SMAD3: variants seen among roughly 807,000 people sequenced by gnomAD.
The protein encoded by SMAD3 is MAD homolog 3.
In SMAD3, 12 loss-of-function variants were observed where a neutral mutation model predicts 51.8. That is an observed-to-expected ratio of 0.23 (90% CI 0.15 to 0.38). SMAD3 has a LOEUF of 0.38. Among genes scored for constraint, SMAD3 ranks in the 10% least tolerant of loss-of-function variants. SMAD3 has a pLI of 1.00. For synonymous variants in SMAD3, 238 were observed against 227.7 expected (o/e 1.05, Z -0.41); for missense variants, 294 against 565.6 (o/e 0.52, Z 4.87).
intron 1 of SMAD3, among the ~76,000 whole-genome samples, chr15:67,087,404 A>G (rs1040415181): frequency 5.9e-5 from 9 of 152,148 alleles, no homozygotes; most frequent in African/African-American, 1.2e-4. Flanking sequence ...AGTTTCCTGC[A>G]TAGTTTCAGT....
intron 1 of SMAD3, among the ~76,000 whole-genome samples, chr15:67,122,634 C>G (rs1961291359): frequency 6.6e-6 from 1 of 152,152 alleles, no homozygotes; most frequent in Admixed American, 6.5e-5. Context: ...AACTTGTTTT[C>G]AAGCCAGGAC....
chr15:67,066,128 C>A lies in SMAD3; in HGVS notation c.-27C>A, dbSNP rs757567277. ...GAGCCCAGCCCCGCCGGGGGCGCTC[C>A]TCGCCGCCCGCGCGCCCTCCCCAGC... On this transcript the variant is annotated 5_prime_UTR_variant, in exon 1 of 9. Coordinates refer to ENST00000327367, the MANE Select transcript of SMAD3 (RefSeq NM_005902.4). 1 of 1,552,180 alleles carries A rather than the reference C, an allele frequency of 6.4e-7. No individual in the cohort carries two copies. Among genetic ancestry groups the A allele is most frequent in the South Asian group, 1.2e-5 (1 of 84,854 alleles).
chr15:67,177,402 G>A (rs933180358), intron 5 of SMAD3, among the ~76,000 whole-genome samples: 1 of 135,776 alleles, frequency 7.4e-6, no homozygotes. Context: ...AAAGAAATGA[G>A]GGCATATTTA....
intron 1 of SMAD3, among the ~76,000 whole-genome samples, chr15:67,071,176 A>G (rs1020549443): frequency 6.6e-6 from 1 of 152,312 alleles, no homozygotes; most frequent in African/African-American, 2.4e-5. Flanking sequence ...AGGAGAACCC[A>G]TGAGAGGTGG....
In SMAD3 at chr15:67,184,137, T is replaced by C. The variant is rs979344147; in HGVS notation, c.872-590T>C. Among the ~76,000 whole-genome samples, 10 of 150,706 alleles carry C rather than the reference T, an allele frequency of 6.6e-5. 1 individual carries two copies. The highest frequency in any genetic ancestry group is 6.6e-4 in the Admixed American group (10 of 15,150). ...TTTTTTTGGAGTTAGGGTCTCACTC[T>C]GTCTCCCAGGCTGGAGTGCAGTGGT... On this transcript the variant is annotated intron_variant, in intron 6 of 8. Coordinates refer to ENST00000327367, the MANE Select transcript of SMAD3 (RefSeq NM_005902.4).
intron 6 of SMAD3, among the ~76,000 whole-genome samples, chr15:67,183,899 C>T (rs1963149860): frequency 6.6e-6 from 1 of 152,112 alleles, no homozygotes. Flanking sequence ...GTTAAACCAT[C>T]CCTGCAATAA....
intron 1 of SMAD3, among the ~76,000 whole-genome samples, chr15:67,091,121 C>T (rs2140214182): frequency 6.6e-6 from 1 of 152,324 alleles, no homozygotes; most frequent in Non-Finnish European, 1.5e-5. Flanking sequence ...AAGAAGATAC[C>T]ACCTTCCTCC....
At chr15:67,136,281 T>C (rs1220368849) in intron 1 of SMAD3, among the ~76,000 whole-genome samples, 1 of 152,082 alleles carries the variant, frequency 6.6e-6, no homozygotes, top group Non-Finnish European at 1.5e-5. Context: ...GCTCCCAGGG[T>C]CATCTGAACC....
At chr15:67,175,947 A>G (rs17294280) in intron 5 of SMAD3, among the ~76,000 whole-genome samples, 28,830 of 152,250 alleles carry the variant, frequency 0.19, 3,365 homozygotes, top group Non-Finnish European at 0.26. Context: ...AATCACAGGC[A>G]GGCAACATAA....
chr15:67,142,597 C>T, intron 1 of SMAD3: 1 of 251,718 alleles, frequency 4.0e-6, no homozygotes. Context: ...GTACCCCACC[C>T]CCAATTCTCA....
intron 5 of SMAD3, among the ~76,000 whole-genome samples, chr15:67,175,803 G>A (rs1261855077): frequency 6.6e-5 from 10 of 152,196 alleles, no homozygotes; most frequent in Non-Finnish European, 1.2e-4. Context: ...TGTGGACGGC[G>A]GCCCAGGGCA....
chr15:67,191,034 A>ACCCCCCCCCC lies in SMAD3; in HGVS notation c.*498_*499insCCCCCCCCCC. 2 of 205,960 alleles carry ACCCCCCCCCC rather than the reference A, an allele frequency of 9.7e-6. No homozygotes were observed. Among genetic ancestry groups the ACCCCCCCCCC allele is most frequent in the South Asian group, 1.9e-4 (1 of 5,384 alleles). The allele number at this position is 205,960 out of a possible 1,614,324, so 12.8% of individuals were successfully genotyped here. ...CTCTTCCAGTGAACATTCCCAGCCC[A>ACCCCCCCCCC]GCCCCGCCCCGCCCCGCCCCACCAC... On this transcript the variant is annotated 3_prime_UTR_variant, in exon 9 of 9. Coordinates refer to ENST00000327367, the MANE Select transcript of SMAD3 (RefSeq NM_005902.4).
chr15:67,185,675 C>T (rs992760405), intron 7 of SMAD3, among the ~76,000 whole-genome samples: 6 of 152,230 alleles, frequency 3.9e-5, no homozygotes, highest in African/African-American at 1.2e-4. Flanking sequence ...GCTGCACCCC[C>T]GAGAGTGGTT....
At chr15:67,094,064 TC>T (rs1367654457) in intron 1 of SMAD3, among the ~76,000 whole-genome samples, 1 of 152,206 alleles carries the variant, frequency 6.6e-6, no homozygotes, top group African/African-American at 2.4e-5. Context: ...GGCCCACACT[TC>T]CAGTGTTCCA....
intron 1 of SMAD3, among the ~76,000 whole-genome samples, chr15:67,091,199 C>T (rs887274940): frequency 6.6e-6 from 1 of 152,244 alleles, no homozygotes; most frequent in African/African-American, 2.4e-5. Context: ...ACCAAGTCCC[C>T]TTATTCTTTG....
intron 4 of SMAD3, among the ~76,000 whole-genome samples, chr15:67,167,187 A>G (rs1342849670): frequency 1.3e-5 from 2 of 152,028 alleles, no homozygotes; most frequent in African/African-American, 4.8e-5. Context: ...CCCCAGGTTG[A>G]GTCTTGGTGA....
chr15:67,099,647 C>G (rs1391868653), intron 1 of SMAD3, among the ~76,000 whole-genome samples: 1 of 152,206 alleles, frequency 6.6e-6, no homozygotes, highest in Non-Finnish European at 1.5e-5. Flanking sequence ...GATGACACCT[C>G]CAGCCTATTG....
At chr15:67,162,064 C>T (rs528374632) in intron 1 of SMAD3, among the ~76,000 whole-genome samples, 1 of 152,308 alleles carries the variant, frequency 6.6e-6, no homozygotes, top group East Asian at 1.9e-4. Context: ...TGCCCTTAGT[C>T]AGCAGCTCCA....
In SMAD3 at chr15:67,193,539, A is replaced by G. The variant is rs1963420172; in HGVS notation, c.*3003A>G. ...GATTACAGGCCTGTGCTGGAACATC[A>G]TCTCAGTTGGCCACCTTCCTGGCAG... On this transcript the variant is annotated 3_prime_UTR_variant, in exon 9 of 9. Transcript: ENST00000327367. 1 of 233,746 alleles carries G rather than the reference A, an allele frequency of 4.3e-6. No homozygotes were observed. Among genetic ancestry groups the G allele is most frequent in the African/African-American group, 2.2e-5 (1 of 45,340 alleles). 14.5% of individuals were successfully genotyped at this position (233,746 alleles called of 1,614,324 possible).
Sources: allele counts gnomAD v4.1 joint callset (sites outside exome capture counted in the v4.1 genomes callset), GRCh38; gene constraint gnomAD v4.1.1; transcripts MANE v1.5; gene names NCBI Gene and HGNC (gene_info 2026-07-23, HGNC 2026-07-21).